The following NOX4 variants were observed in gnomAD, a reference collection of about 807,000 sequenced individuals.
The protein encoded by NOX4 is kidney oxidase-1.
NOX4 carries 69 observed loss-of-function variants against 87.6 expected under a neutral mutation model. The ratio of observed to expected loss-of-function variants is 0.79; its 90% CI spans 0.65 to 0.96. The LOEUF is 0.96. NOX4 is among the 40% of genes least tolerant of loss of function. The probability of loss-of-function intolerance (pLI) is 0.00; values close to 1 mark genes in which losing one functional copy is unlikely to be tolerated. For missense variants in NOX4, 680 were observed against 681.5 expected (o/e 1.00, Z 0.02); for synonymous variants, 275 against 238.2 (o/e 1.15, Z -1.42).
At chr11:89,539,929 G>A in the NOX4 span, among the ~76,000 whole-genome samples, 1 of 152,050 alleles carries the variant, frequency 6.6e-6, no homozygotes, top group South Asian at 2.1e-4. Flanking sequence ...ATCTTCTCCT[G>A]CAGAATATAC....
the NOX4 span, among the ~76,000 whole-genome samples, chr11:89,565,826 T>C: frequency 1.3e-5 from 2 of 152,112 alleles, no homozygotes; most frequent in African/African-American, 4.8e-5. Context: ...TTATTATCAA[T>C]AGCCTTTTCT....
At chr11:89,532,772 G>A in the NOX4 span, among the ~76,000 whole-genome samples, 5 of 152,188 alleles carry the variant, frequency 3.3e-5, no homozygotes, top group East Asian at 5.8e-4. Context: ...ACATGTTGAC[G>A]GATGGACCTG....
the NOX4 span, among the ~76,000 whole-genome samples, chr11:89,543,528 A>G: frequency 6.6e-6 from 1 of 152,150 alleles, no homozygotes; most frequent in Non-Finnish European, 1.5e-5. Context: ...CAAAAAAGCA[A>G]TATATATTCC....
chr11:89,491,426 A>T (rs1946851601), upstream of NOX4: 1 of 570,686 alleles, frequency 1.8e-6, no homozygotes, highest in Admixed American at 3.8e-5. Context: ...TCTGCTACCC[A>T]GAGCCGGGTT....
chr11:89,371,729 A>T (rs1299295262), intron 12 of NOX4, among the ~76,000 whole-genome samples: 1 of 151,762 alleles, frequency 6.6e-6, no homozygotes. Context: ...GCATATTGTG[A>T]TTATTCATAT....
At chr11:89,522,628 C>CACACATACCTGCACATA in the NOX4 span, among the ~76,000 whole-genome samples, 1 of 151,954 alleles carries the variant, frequency 6.6e-6, no homozygotes, top group South Asian at 2.1e-4. Flanking sequence ...CACATATATC[C>CACACATACCTGCACATA]CCTGAATCCA....
intron 8 of NOX4, among the ~76,000 whole-genome samples, chr11:89,407,078 C>A (rs1942228292): frequency 6.6e-6 from 1 of 152,124 alleles, no homozygotes; most frequent in African/African-American, 2.4e-5. Context: ...TTCATACTCA[C>A]TGCCAAACCT....
chr11:89,433,738 A>T (rs1943934445), intron 6 of NOX4, among the ~76,000 whole-genome samples: 1 of 152,116 alleles, frequency 6.6e-6, no homozygotes, highest in Non-Finnish European at 1.5e-5. Context: ...CAAGTGCTTC[A>T]GATATGGCAT....
the NOX4 span, among the ~76,000 whole-genome samples, chr11:89,537,422 A>G: frequency 6.6e-6 from 1 of 151,572 alleles, no homozygotes; most frequent in Non-Finnish European, 1.5e-5. Context: ...TACATATTAT[A>G]TAATATGTAT....
At position 89,402,521 on chromosome 11, in the gene NOX4, A is replaced by C. The variant is rs2135188254; in HGVS notation, c.651T>G (p.Thr217=). The change falls in exon 9 of 18, where the codon ACT becomes ACG. Residue 217 remains threonine (T), a synonymous_variant. Coordinates refer to ENST00000263317, the MANE Select transcript of NOX4 (RefSeq NM_016931.5). ...AGCCGGGAGGGTGGGTATCTAAATTAGTTTGATACTTCAGCAGCCCTCTAA... is the reference window on the plus strand; with the variant it reads ...AGCCGGGAGGGTGGGTATCTAAATTCGTTTGATACTTCAGCAGCCCTCTAA... ...HVSGGLLKYQ[T]NLDTHPPGCI... The C allele has an allele frequency of 6.2e-7, 1 of 1,610,798 alleles. No homozygotes were observed. Among genetic ancestry groups the C allele is most frequent in the East Asian group, 2.2e-5 (1 of 44,818 alleles).
the NOX4 span, among the ~76,000 whole-genome samples, chr11:89,550,280 G>A: frequency 6.6e-6 from 1 of 151,830 alleles, no homozygotes; most frequent in Non-Finnish European, 1.5e-5. Context: ...CTGCCTCCTG[G>A]GTTCAAGCAA....
At chr11:89,357,215 T>G (rs889833269) in intron 12 of NOX4, among the ~76,000 whole-genome samples, 1 of 132,588 alleles carries the variant, frequency 7.5e-6, no homozygotes, top group Non-Finnish European at 1.5e-5. Context: ...TGGCTTCTAC[T>G]GTTTTTTTTT....
At chr11:89,366,358 A>G (rs2135028142) in intron 12 of NOX4, among the ~76,000 whole-genome samples, 1 of 152,254 alleles carries the variant, frequency 6.6e-6, no homozygotes, top group African/African-American at 2.4e-5. Context: ...CAGTAATTGT[A>G]TGATTTGTTT....
At chr11:89,364,015 A>G (rs1938736726) in intron 12 of NOX4, among the ~76,000 whole-genome samples, 2 of 152,046 alleles carry the variant, frequency 1.3e-5, no homozygotes, top group East Asian at 1.9e-4. Flanking sequence ...TACATTCCCA[A>G]TATTTGAAAG....
chr11:89,559,822 G>A, the NOX4 span, among the ~76,000 whole-genome samples: 1 of 152,090 alleles, frequency 6.6e-6, no homozygotes, highest in Admixed American at 6.6e-5. Flanking sequence ...CAAAGAGTGG[G>A]CAGAAAAGTA....
chr11:89,471,887 G>A (rs1310882971), intron 2 of NOX4, among the ~76,000 whole-genome samples: 1 of 152,132 alleles, frequency 6.6e-6, no homozygotes, highest in Non-Finnish European at 1.5e-5. Context: ...GATTACAGGT[G>A]CATAGCACCA....
chr11:89,423,890 C>T lies in NOX4; in HGVS notation c.549-1908G>A, dbSNP rs143320529. On this transcript the variant is annotated intron_variant, in intron 7 of 17. Transcript: ENST00000263317. ...AAAACATATTGAAACCTTGACCTTA[C>T]GAAAAAATAAATACAATTAAAAAAA... Among the ~76,000 whole-genome samples the T allele has an allele frequency of 5.1e-4, 78 of 151,520 alleles. No individual in the cohort carries two copies. The East Asian group carries it at 0.012, about 23-fold the overall frequency.
chr11:89,441,433 AT>A (rs1944449651), intron 5 of NOX4, among the ~76,000 whole-genome samples: 1 of 152,116 alleles, frequency 6.6e-6, no homozygotes, highest in Non-Finnish European at 1.5e-5. Flanking sequence ...AAGCTTTTGA[AT>A]TTCTTTCTGT....
At chr11:89,418,939 G>A (rs967683305) in intron 8 of NOX4, among the ~76,000 whole-genome samples, 1 of 151,974 alleles carries the variant, frequency 6.6e-6, no homozygotes, top group Non-Finnish European at 1.5e-5. Context: ...AGTCAACAAT[G>A]TCTCATCACC....
Sources: allele counts gnomAD v4.1 joint callset (sites outside exome capture counted in the v4.1 genomes callset), GRCh38; gene constraint gnomAD v4.1.1; transcripts MANE v1.5; gene names NCBI Gene and HGNC (gene_info 2026-07-23, HGNC 2026-07-21).